The following SETD5 variants were observed in gnomAD, a reference collection of about 807,000 sequenced individuals.
SETD5 encodes SET domain containing 5, also known as histone-lysine N-methyltransferase SETD5.
A neutral mutation model predicts 153.3 loss-of-function variants in SETD5; 44 were observed. The ratio of observed to expected loss-of-function variants is 0.29; its 90% CI spans 0.23 to 0.37. The LOEUF is 0.37. Ranked by LOEUF, SETD5 falls within the 10% of genes least tolerant of loss-of-function variation. SETD5 has a pLI of 1.00. For synonymous variants in SETD5, 716 were observed against 645.2 expected (o/e 1.11, Z -1.66); for missense variants, 1,544 against 1,768.0 (o/e 0.87, Z 2.27).
intron 1 of SETD5, among the ~76,000 whole-genome samples, chr3:9,411,624 CATT>C (rs2036580326): frequency 6.6e-6 from 1 of 152,192 alleles, no homozygotes; most frequent in African/African-American, 2.4e-5. Flanking sequence ...TTCTCCTAAA[CATT>C]ATGAGCATTA....
chr3:9,398,349 C>T (rs933783124), intron 1 of SETD5: 2 of 152,248 alleles, frequency 1.3e-5, no homozygotes, highest in African/African-American at 4.8e-5. Flanking sequence ...AATACACAGG[C>T]ATACTTTTTT....
At chr3:9,423,593 T>C (rs894028657) in intron 1 of SETD5, among the ~76,000 whole-genome samples, 1 of 152,254 alleles carries the variant, frequency 6.6e-6, no homozygotes, top group African/African-American at 2.4e-5. Flanking sequence ...TTACTGTTAC[T>C]TTGATACTTT....
chr3:9,404,986 A>G (rs1294820132), intron 1 of SETD5, among the ~76,000 whole-genome samples: 7 of 152,252 alleles, frequency 4.6e-5, no homozygotes, highest in African/African-American at 7.2e-5. Context: ...CCCATCAAAA[A>G]GAAACTAGGA....
chr3:9,448,660 G>A (rs1190506888), intron 16 of SETD5, 30 bp downstream of exon 16: 1 of 1,486,044 alleles, frequency 6.7e-7, no homozygotes, highest in Non-Finnish European at 9.0e-7. Flanking sequence ...TGTGTGTTGT[G>A]TTTATGTGTG....
At chr3:9,435,694 T>A in intron 6 of SETD5, 34 bp from the exon 7 acceptor site, 1 of 1,515,262 alleles carries the variant, frequency 6.6e-7, no homozygotes, top group South Asian at 1.3e-5. Flanking sequence ...TTTGAGGCTA[T>A]TAGTACCTGA....
chr3:9,431,164 T>G (rs1331126098), intron 3 of SETD5: 12 of 985,454 alleles, frequency 1.2e-5, no homozygotes, highest in Non-Finnish European at 1.4e-5. Context: ...GCATTTATTT[T>G]TGTGTGTGTT....
In SETD5 at chr3:9,397,702, G is replaced by T; in HGVS notation, c.-452G>T. On this transcript the variant is annotated 5_prime_UTR_variant, in exon 1 of 23. Coordinates refer to ENST00000402198, the MANE Select transcript of SETD5 (RefSeq NM_001080517.3). ...CCGCCGCCGCTGCCGGGGGAGGGGC[G>T]GCCGCCGCCCGCCTGCGCTCAGAGA... The T allele has an allele frequency of 1.1e-5, 2 of 177,312 alleles. No homozygotes were observed. Among genetic ancestry groups the T allele is most frequent in the South Asian group, 1.6e-4 (1 of 6,086 alleles). The allele number at this position is 177,312 out of a possible 1,614,324, so 11.0% of individuals were successfully genotyped here.
At position 9,477,521 on chromosome 3, in the gene SETD5, C is replaced by G. The variant is rs1047868796; in HGVS notation, c.*1430C>G. The G allele has an allele frequency of 6.5e-6, 1 of 152,676 alleles. No individual in the cohort carries two copies. The highest frequency in any genetic ancestry group is 2.4e-5 in the African/African-American group (1 of 41,502). The allele number at this position is 152,676 out of a possible 1,614,324, so 9.5% of individuals were successfully genotyped here. A position where few individuals can be genotyped will look rare whatever the true frequency, so the allele number is the denominator to read the frequency against. ...ACTGTGAGTTTCCCTCCTTCCTTCCCTCTAATTTGTTTTCCTTTTTTCCCC... is the reference window on the plus strand; with the variant it reads ...ACTGTGAGTTTCCCTCCTTCCTTCCGTCTAATTTGTTTTCCTTTTTTCCCC... On this transcript the variant is annotated 3_prime_UTR_variant, in exon 23 of 23. Coordinates refer to ENST00000402198, the MANE Select transcript of SETD5 (RefSeq NM_001080517.3).
chr3:9,441,458 C>T, intron 8 of SETD5, 135 bp from the exon 9 acceptor site: 3 of 730,968 alleles, frequency 4.1e-6, no homozygotes, highest in Non-Finnish European at 6.2e-6. Context: ...TTTAAAATTT[C>T]TCATCATTGA....
In SETD5 at chr3:9,428,897, A is replaced by G; in HGVS notation, c.-42A>G. ...ACTCTCAGAGTGGTCAGTCTCCATT[A>G]ATTGGACCCCGTGATTTCCAATCTC... On this transcript the variant is annotated 5_prime_UTR_variant, in exon 3 of 23. It removes the in-frame stop codon of an upstream open reading frame in the 5' UTR. Coordinates refer to ENST00000402198, the MANE Select transcript of SETD5 (RefSeq NM_001080517.3). The G allele has an allele frequency of 2.0e-6, 3 of 1,519,594 alleles. No individual in the cohort carries two copies. The highest frequency in any genetic ancestry group is 2.7e-6 in the Non-Finnish European group (3 of 1,100,106). The allele number at this position is 1,519,594 out of a possible 1,614,324, so 94.1% of individuals were successfully genotyped here.
chr3:9,473,377 C>G lies in SETD5; in HGVS notation c.3337C>G (p.His1113Asp). The G allele has an allele frequency of 6.2e-7, 1 of 1,613,956 alleles. No individual in the cohort carries two copies. The highest frequency in any genetic ancestry group is 2.2e-5 in the East Asian group (1 of 44,878). ...SSNSVSDTGA[H>D]GVQGSSARTP... ...TAACTCCGTTTCCGACACTGGTGCCCATGGTGTGCAGGGATCCTCAGCCCG... is the reference window on the plus strand; with the variant it reads ...TAACTCCGTTTCCGACACTGGTGCCGATGGTGTGCAGGGATCCTCAGCCCG... Residue 1113 changes from histidine (H) to aspartate (D), a missense_variant, in exon 20 of 23, where the codon CAT becomes GAT. Physicochemically the swap from His to Asp is moderately conservative, Grantham distance 81. Transcript: ENST00000402198.
intron 1 of SETD5, among the ~76,000 whole-genome samples, chr3:9,414,236 G>T (rs75483139): frequency 0.018 from 2,718 of 152,252 alleles, 86 homozygotes; most frequent in African/African-American, 0.06. Context: ...TAGAACAAAT[G>T]GATTCCTACT....
chr3:9,444,290 A>G (rs773789858), intron 11 of SETD5, among the ~76,000 whole-genome samples: 1 of 152,200 alleles, frequency 6.6e-6, no homozygotes, highest in Non-Finnish European at 1.5e-5. Context: ...AATAGAGGTT[A>G]TGTGGTAAAG....
At chr3:9,450,198 A>C (rs1397660369) in intron 16 of SETD5, among the ~76,000 whole-genome samples, 1 of 152,212 alleles carries the variant, frequency 6.6e-6, no homozygotes, top group African/African-American at 2.4e-5. Context: ...ACTTGTATCT[A>C]TAGCACATCC....
At position 9,453,763 on chromosome 3, in the gene SETD5, G is replaced by A; in HGVS notation, c.2371G>A (p.Glu791Lys). The part of the protein sequence containing the change: ...KKRWIKQALE[E>K]GMTQTSSVPQ... ...GCGCTGGATAAAACAAGCCTTAGAA[G>A]AAGGGATGACTCAAACATCATCTGT... Residue 791 changes from glutamate (E) to lysine (K), a missense_variant, in exon 17 of 23, where the codon GAA (glutamate) becomes AAA (lysine). Glu to Lys is a moderately conservative substitution (Grantham distance 56). This residue lies in a region of SETD5 where 782 missense variants were observed against 787.2 expected (regional missense o/e 0.99). Transcript: ENST00000402198. 6.2e-7 allele frequency: 1 copy of A among 1,601,274 alleles called. No homozygotes were observed. Among genetic ancestry groups the A allele is most frequent in the Non-Finnish European group, 8.5e-7 (1 of 1,176,780 alleles).
chr3:9,474,827 T>G, intron 21 of SETD5: 1 of 628,522 alleles, frequency 1.6e-6, no homozygotes, highest in Non-Finnish European at 2.7e-6. Flanking sequence ...CTCTCCAAAG[T>G]CCTGGAAATC....
At chr3:9,473,581 G>A (rs752268836) in intron 20 of SETD5, 44 bp downstream of exon 20, 2 of 1,538,428 alleles carry the variant, frequency 1.3e-6, no homozygotes, top group Non-Finnish European at 1.8e-6. Flanking sequence ...GGGGGTGGGG[G>A]GGAGTATATA....
At chr3:9,406,386 A>G (rs1295682548) in intron 1 of SETD5, among the ~76,000 whole-genome samples, 1 of 152,182 alleles carries the variant, frequency 6.6e-6, no homozygotes, top group East Asian at 1.9e-4. Flanking sequence ...ACAAACTACT[A>G]TGCCCATGGA....
intron 2 of SETD5, chr3:9,426,259 A>T (rs2039227134): frequency 1.5e-5 from 1 of 68,128 alleles, no homozygotes; most frequent in Non-Finnish European, 2.8e-5. Flanking sequence ...TTTTGGCAAC[A>T]GGGACTCACT....
Sources: gnomAD v4.1 joint callset for allele counts (sites outside exome capture counted in the v4.1 genomes callset) on GRCh38, gnomAD v4.1.1 for gene constraint, gnomAD v4.1.1 regional missense constraint, MANE v1.5 for transcripts, NCBI Gene and HGNC (gene_info 2026-07-23, HGNC 2026-07-21) for gene names.